The following VWCE variants were observed in gnomAD, a reference collection of about 807,000 sequenced individuals.
The protein encoded by VWCE is von Willebrand factor C and EGF domains.
In VWCE, 68 loss-of-function variants were observed where a neutral mutation model predicts 102.9. The observed-to-expected ratio is 0.66, with a 90% confidence interval of 0.54 to 0.81. The LOEUF is 0.81. VWCE is among the 30% of genes least tolerant of loss of function. The pLI, the probability that VWCE is intolerant of heterozygous loss-of-function variation, is 0.00. For synonymous variants in VWCE, 497 were observed against 515.4 expected (o/e 0.96, Z 0.48); for missense variants, 1,137 against 1,263.6 (o/e 0.90, Z 1.52).
intron 13 of VWCE, 61 bp from the exon 14 acceptor site, chr11:61,271,821 G>A (rs1854715022): frequency 6.8e-7 from 1 of 1,469,580 alleles, no homozygotes; most frequent in Non-Finnish European, 9.4e-7. Context: ...CAGCAGCAAG[G>A]ACAGATGCCT....
In VWCE at chr11:61,295,072, G is replaced by A. The variant is rs1204662070; in HGVS notation, c.-35C>T. ...CGGCGGGTCCCCCGGGCTGGGCTCGGCTCCTGCGCCGCGCGCGGGAGAGGG... is the reference window on the plus strand; with the variant it reads ...CGGCGGGTCCCCCGGGCTGGGCTCGACTCCTGCGCCGCGCGCGGGAGAGGG... On this transcript the variant is annotated 5_prime_UTR_variant, in exon 1 of 20. Coordinates refer to ENST00000335613, the MANE Select transcript of VWCE (RefSeq NM_152718.2). This position sits in a 1 kb window ranked among gnomAD's most constrained non-coding sequence, Gnocchi z 4.6. 26 of 1,272,434 alleles carry A rather than the reference G, an allele frequency of 2.0e-5. No individual in the cohort carries two copies. Among genetic ancestry groups the A allele is most frequent in the South Asian group, 2.3e-5 (1 of 43,582 alleles). The allele number at this position is 1,272,434 out of a possible 1,614,324, so 78.8% of individuals were successfully genotyped here.
chr11:61,265,273 A>T (rs776611662), intron 16 of VWCE, 61 bp from the exon 17 acceptor site: 88 of 1,377,460 alleles, frequency 6.4e-5, no homozygotes, highest in Non-Finnish European at 8.5e-5. Flanking sequence ...GACACTCAGG[A>T]AGATGCCGCT....
intron 19 of VWCE, among the ~76,000 whole-genome samples, chr11:61,263,964 G>A (rs1391520997): frequency 2.0e-5 from 3 of 152,082 alleles, no homozygotes; most frequent in East Asian, 1.9e-4. Context: ...AGTGGCTCAC[G>A]CCTGTAATCC....
At position 61,277,435 on chromosome 11, in the gene VWCE, C is replaced by T. The variant is rs532271076; in HGVS notation, c.1408-755G>A. Among the ~76,000 whole-genome samples, 906 of 149,244 alleles carry T rather than the reference C, an allele frequency of 6.1e-3. 4 individuals are homozygous for T. The highest frequency in any genetic ancestry group is 9.8e-3 in the Non-Finnish European group (659 of 67,338). On this transcript the variant is annotated intron_variant, in intron 10 of 19. Coordinates refer to ENST00000335613, the MANE Select transcript of VWCE (RefSeq NM_152718.2). ...ACCAGCCTGGCCAACACAGCGAGACCCTGCCTCTACAAAAAAAAAAAAAAA... is the reference window on the plus strand; with the variant it reads ...ACCAGCCTGGCCAACACAGCGAGACTCTGCCTCTACAAAAAAAAAAAAAAA...
Position 61,258,856 on chromosome 11 carries a change from G to T in VWCE, c.2687C>A (p.Thr896Lys). Residue 896 changes from threonine (T) to lysine (K), a missense_variant, in exon 20 of 20, where the codon ACG (threonine) becomes AAG (lysine). By Grantham distance (78) the Thr-to-Lys change is moderately conservative. This residue lies in a region of VWCE where 316 missense variants were observed against 319.3 expected (regional missense o/e 0.99). Coordinates refer to ENST00000335613, the MANE Select transcript of VWCE (RefSeq NM_152718.2). ...CATCATGGAAAGTGCTGAAGCTTCC[G>T]TCAGGAGGGTGCCAGGCAGAGGAGG... ...RWPPLPGTLL[T>K]EASALSMMDP... 2 of 1,518,046 alleles carry T rather than the reference G, an allele frequency of 1.3e-6. No individual in the cohort carries two copies. The highest frequency in any genetic ancestry group is 8.8e-7 in the Non-Finnish European group (1 of 1,135,306). The allele number at this position is 1,518,046 out of a possible 1,614,324, so 94.0% of individuals were successfully genotyped here.
chr11:61,264,421 A>C, intron 19 of VWCE, 66 bp downstream of exon 19: 2 of 1,457,202 alleles, frequency 1.4e-6, no homozygotes, highest in Non-Finnish European at 9.5e-7. Context: ...AGTTCTATGT[A>C]CCGGGGAAGA....
chr11:61,269,571 G>A (rs963615039), intron 14 of VWCE, among the ~76,000 whole-genome samples: 7 of 151,480 alleles, frequency 4.6e-5, no homozygotes, highest in African/African-American at 1.7e-4. Context: ...TCAGCCTCCC[G>A]AGTAGCTGGG....
chr11:61,277,813 G>A (rs1179034662), intron 10 of VWCE, among the ~76,000 whole-genome samples: 1 of 152,044 alleles, frequency 6.6e-6, no homozygotes, highest in Non-Finnish European at 1.5e-5. Flanking sequence ...CCCTGGGCCT[G>A]GCACTCAGTA....
chr11:61,259,160 C>T lies in VWCE; in HGVS notation c.2383G>A (p.Val795Met). Residue 795 changes from valine (V) to methionine (M), a missense_variant, in exon 20 of 20, where the codon GTG (valine) becomes ATG (methionine). By Grantham distance (21) the Val-to-Met change is conservative (BLOSUM62 1). Transcript: ENST00000335613. ...AAAAGGAGCTGGAGGAGATGAAGCA[C>T]CGGCCTCGAGGGTGATGCTGTCGGG... is the stretch of plus-strand genomic sequence containing the variant. ...GPPTASPSRP[V>M]LHLLQLLLRT... The T allele has an allele frequency of 1.9e-6, 3 of 1,614,166 alleles. No homozygotes were observed. Among genetic ancestry groups the T allele is most frequent in the Non-Finnish European group, 2.5e-6 (3 of 1,180,028 alleles).
chr11:61,270,119 C>T (rs1330001085), intron 14 of VWCE, among the ~76,000 whole-genome samples: 1 of 152,006 alleles, frequency 6.6e-6, no homozygotes, highest in African/African-American at 2.4e-5. Flanking sequence ...CAGGGTTTCA[C>T]CATGTTAGCC....
intron 3 of VWCE, 90 bp from the exon 4 acceptor site, chr11:61,291,017 G>T: frequency 6.5e-7 from 1 of 1,527,208 alleles, no homozygotes; most frequent in Non-Finnish European, 8.8e-7. Context: ...TCTGTTGGGA[G>T]GGTAGCTCTG....
At chr11:61,288,056 G>C (rs945404992) in intron 4 of VWCE, among the ~76,000 whole-genome samples, 1 of 150,882 alleles carries the variant, frequency 6.6e-6, no homozygotes, top group African/African-American at 2.5e-5. Context: ...TACTTGGGAG[G>C]CTGAGGCATA....
At chr11:61,272,356 CAT>C (rs1326904401) in intron 13 of VWCE, among the ~76,000 whole-genome samples, 2 of 151,920 alleles carry the variant, frequency 1.3e-5, no homozygotes, top group South Asian at 2.1e-4. Flanking sequence ...CAGACACACT[CAT>C]AGAATCATAC....
intron 19 of VWCE, 65 bp downstream of exon 19, chr11:61,264,422 C>G: frequency 6.7e-7 from 1 of 1,484,854 alleles, no homozygotes; most frequent in South Asian, 1.2e-5. Context: ...GTTCTATGTA[C>G]CGGGGAAGAA....
At chr11:61,272,592 A>G (rs1272160999) in intron 13 of VWCE, among the ~76,000 whole-genome samples, 1 of 152,102 alleles carries the variant, frequency 6.6e-6, no homozygotes, top group East Asian at 1.9e-4. Context: ...AGAAACACAC[A>G]CACACAGGCA....
chr11:61,294,524 G>A lies in VWCE; in HGVS notation c.110+404C>T, dbSNP rs1032706713. On this transcript the variant is annotated intron_variant, in intron 1 of 19. Coordinates refer to ENST00000335613, the MANE Select transcript of VWCE (RefSeq NM_152718.2). The surrounding 1 kb of genome is among the most constrained non-coding windows in gnomAD (Gnocchi z 6.3). ...TGAAGTTCGTAGGGCCAAGACCCAGGGAAAGCCCCGCGCGGCAGGGGAGGC... is the reference window on the plus strand; with the variant it reads ...TGAAGTTCGTAGGGCCAAGACCCAGAGAAAGCCCCGCGCGGCAGGGGAGGC... Among the ~76,000 whole-genome samples, 16 of 152,186 alleles carry A rather than the reference G, an allele frequency of 1.1e-4. No individual in the cohort carries two copies. The highest frequency in any genetic ancestry group is 1.9e-4 in the Non-Finnish European group (13 of 68,020).
chr11:61,273,062 T>C, intron 13 of VWCE, 137 bp downstream of exon 13: 1 of 832,426 alleles, frequency 1.2e-6, no homozygotes, highest in South Asian at 1.6e-5. Flanking sequence ...AAACTCACAC[T>C]CATACACACG....
intron 6 of VWCE, 137 bp from the exon 7 acceptor site, chr11:61,282,051 G>A (rs151003802): frequency 1.7e-5 from 23 of 1,351,460 alleles, no homozygotes; most frequent in Middle Eastern, 1.9e-4. Flanking sequence ...CGAGGTGCGG[G>A]ATGTGACTCA....
rs751895950 is a variant in VWCE at position 61,276,621 on chromosome 11, T to C, written c.1467A>G (p.Pro489=). Reference sequence around the variant, plus strand: ...GAACACAAGTACAGCAATCCGTCTGTGGGGGGGTCTGACAGGGGCCAGAAG... The same window carrying C: ...GAACACAAGTACAGCAATCCGTCTGCGGGGGGGTCTGACAGGGGCCAGAAG... The part of the protein sequence containing the change: ...ECPSGPCQTP[P]QTDCCTCVPV... Residue 489 remains proline, a synonymous_variant, in exon 11 of 20, where the codon CCA becomes CCG. Coordinates refer to ENST00000335613, the MANE Select transcript of VWCE (RefSeq NM_152718.2). 1.9e-6 allele frequency: 3 copies of C among 1,592,646 alleles called. No individual in the cohort carries two copies.
Sources: allele counts gnomAD v4.1 joint callset (sites outside exome capture counted in the v4.1 genomes callset), GRCh38; gene constraint gnomAD v4.1.1; regional missense constraint gnomAD v4.1.1; non-coding constraint Gnocchi (gnomAD v3.1); transcripts MANE v1.5; gene names NCBI Gene and HGNC (gene_info 2026-07-23, HGNC 2026-07-21).